LIPC: variants seen among roughly 807,000 people sequenced by gnomAD.
LIPC encodes lipase C, hepatic type, also known as hepatic triacylglycerol lipase.
Under a neutral mutation model 50.7 loss-of-function variants are expected in LIPC, and 44 were observed. The ratio of observed to expected loss-of-function variants is 0.87; its 90% CI spans 0.68 to 1.11. LIPC has a LOEUF of 1.11. Among genes scored for constraint, LIPC ranks in the 50% most tolerant of loss-of-function variants. The pLI is 0.00. For synonymous variants in LIPC, 271 were observed against 256.4 expected (o/e 1.06, Z -0.54); for missense variants, 697 against 648.2 (o/e 1.08, Z -0.82).
intron 5 of LIPC, among the ~76,000 whole-genome samples, chr15:58,546,933 A>T (rs1282051967): frequency 6.6e-6 from 1 of 151,426 alleles, no homozygotes; most frequent in African/African-American, 2.4e-5. Context: ...CATTGCTTAC[A>T]TCCCTCCCAC....
At chr15:58,534,365 C>T (rs1411993047) in intron 1 of LIPC, among the ~76,000 whole-genome samples, 2 of 152,126 alleles carry the variant, frequency 1.3e-5, no homozygotes, top group African/African-American at 4.8e-5. Context: ...TAGGAATAAG[C>T]GACAGACTCT....
At chr15:58,512,959 AC>A (rs765279314) in intron 1 of LIPC, among the ~76,000 whole-genome samples, 4,058 of 151,152 alleles carry the variant, frequency 0.027, 81 homozygotes, top group Middle Eastern at 0.041. Context: ...CAAAGCATCA[AC>A]GAAAAAAAAA....
intron 1 of LIPC, among the ~76,000 whole-genome samples, chr15:58,489,218 G>GGT (rs1555400833): frequency 0.29 from 9,348 of 32,432 alleles, 2,085 homozygotes; most frequent in East Asian, 0.57. Flanking sequence ...ATTTTGTTGC[G>GGT]GGGGCGGGGG....
intron 8 of LIPC, chr15:58,565,741 G>A: frequency 1.0e-6 from 1 of 993,808 alleles, no homozygotes; most frequent in East Asian, 1.1e-4. Flanking sequence ...AATTTTCTCA[G>A]TCTAATCTAG....
At chr15:58,519,038 C>G (rs1245158074) in intron 1 of LIPC, among the ~76,000 whole-genome samples, 1 of 152,024 alleles carries the variant, frequency 6.6e-6, no homozygotes, top group Non-Finnish European at 1.5e-5. Flanking sequence ...TACCTTAGAG[C>G]ATTTTGTGAA....
At chr15:58,546,632 T>C (rs1893539301) in intron 5 of LIPC, among the ~76,000 whole-genome samples, 1 of 152,106 alleles carries the variant, frequency 6.6e-6, no homozygotes, top group Non-Finnish European at 1.5e-5. Flanking sequence ...AGAACAAAAA[T>C]GTCAGCAGAA....
chr15:58,502,519 T>TTG (rs1555402146), intron 1 of LIPC, among the ~76,000 whole-genome samples: 1 of 151,558 alleles, frequency 6.6e-6, no homozygotes, highest in East Asian at 1.9e-4. Context: ...CTTTTTTTTT[T>TTG]TTTGTTTGTT....
rs191910265 is a variant in LIPC, at chr15:58,568,432, C to T, written c.1389-284C>T. The stretch of plus-strand genomic sequence containing the variant: ...TAGTCACCCTCAAATCTTCGATGAG[C>T]TGTCATAGGGGAGAACAAAGGAGGG... On this transcript the variant is annotated intron_variant, in intron 8 of 8. Coordinates refer to ENST00000299022, the MANE Select transcript of LIPC (RefSeq NM_000236.3). 2.6e-4 allele frequency among the ~76,000 whole-genome samples: 40 copies of T among 152,338 alleles called. No homozygotes were observed. The East Asian group carries it at 7.5e-3, about 29-fold the overall frequency.
intron 1 of LIPC, among the ~76,000 whole-genome samples, chr15:58,506,154 TG>T (rs1239812929): frequency 1.3e-5 from 2 of 152,158 alleles, no homozygotes; most frequent in African/African-American, 4.8e-5. Flanking sequence ...CACACACCTG[TG>T]GGGCTCCTTT....
At chr15:58,519,999 G>A (rs545283908) in intron 1 of LIPC, among the ~76,000 whole-genome samples, 9 of 152,170 alleles carry the variant, frequency 5.9e-5, no homozygotes, top group South Asian at 2.1e-4. Flanking sequence ...ATGCAAGGGT[G>A]CGTAGAAAGA....
At chr15:58,477,318 G>C (rs1332474868) in intron 1 of LIPC, among the ~76,000 whole-genome samples, 1 of 152,220 alleles carries the variant, frequency 6.6e-6, no homozygotes, top group Non-Finnish European at 1.5e-5. Context: ...AGAGAGAATT[G>C]AAAGAGGAAG....
intron 1 of LIPC, among the ~76,000 whole-genome samples, chr15:58,476,921 G>A (rs1891018727): frequency 6.6e-6 from 1 of 152,168 alleles, no homozygotes; most frequent in African/African-American, 2.4e-5. Flanking sequence ...TGTACCCAGG[G>A]CACGTCCTGC....
chr15:58,453,242 A>G (rs1360867432), intron 1 of LIPC, among the ~76,000 whole-genome samples: 1 of 152,098 alleles, frequency 6.6e-6, no homozygotes. Context: ...ATAAACTCCT[A>G]TGGATACAGG....
chr15:58,500,169 T>C (rs530580643), intron 1 of LIPC, among the ~76,000 whole-genome samples: 11 of 152,132 alleles, frequency 7.2e-5, no homozygotes, highest in African/African-American at 2.7e-4. Context: ...GGAAAGAGCA[T>C]GGGTTTGGGT....
chr15:58,479,138 A>G (rs773652511), intron 1 of LIPC, among the ~76,000 whole-genome samples: 32 of 152,242 alleles, frequency 2.1e-4, no homozygotes, highest in Non-Finnish European at 4.6e-4. Flanking sequence ...TGAGACACAC[A>G]CCTTAAGATG....
chr15:58,472,218 C>A (rs1231791718), intron 1 of LIPC, among the ~76,000 whole-genome samples: 7 of 126,618 alleles, frequency 5.5e-5, no homozygotes, highest in South Asian at 2.5e-4. Flanking sequence ...TTGCAATGAG[C>A]AAAGATTGCA....
intron 1 of LIPC, among the ~76,000 whole-genome samples, chr15:58,434,488 G>A (rs1252014107): frequency 6.6e-6 from 1 of 152,148 alleles, no homozygotes; most frequent in Non-Finnish European, 1.5e-5. Context: ...GCTGGTCAGG[G>A]CAGAGCAGGG....
intron 1 of LIPC, among the ~76,000 whole-genome samples, chr15:58,471,333 G>GA (rs1894796463): frequency 7.2e-6 from 1 of 138,060 alleles, no homozygotes; most frequent in African/African-American, 2.8e-5. Flanking sequence ...AGAGATGGGG[G>GA]GGGGTGGTCT....
rs55943459 is a variant in LIPC, at chr15:58,550,825, C to CT, written c.1051+2282dup. ...CCACACCCTCTCCTTTTCTTTCTTA[C>CT]TTTTTTTTTTTTTTTTTTTTTTTTT... is the stretch of plus-strand genomic sequence containing the variant. On this transcript the variant is annotated intron_variant, in intron 6 of 8. Coordinates refer to ENST00000299022, the MANE Select transcript of LIPC (RefSeq NM_000236.3). 1.6e-4 allele frequency among the ~76,000 whole-genome samples: 7 copies of CT among 45,118 alleles called. 1 individual carries two copies. Among genetic ancestry groups the CT allele is most frequent in the African/African-American group, 6.6e-4 (7 of 10,568 alleles). The allele number at this position is 45,118 out of a possible 152,430, so 29.6% of individuals were successfully genotyped here. A position where few individuals can be genotyped will look rare whatever the true frequency, so the allele number is the denominator to read the frequency against.
Sources: gnomAD v4.1 joint callset for allele counts (sites outside exome capture counted in the v4.1 genomes callset) on GRCh38, gnomAD v4.1.1 for gene constraint, MANE v1.5 for transcripts, NCBI Gene and HGNC (gene_info 2026-07-23, HGNC 2026-07-21) for gene names.